CRACDL: variants seen among roughly 807,000 people sequenced by gnomAD.
CRACDL encodes CRACD like.
Under a neutral mutation model 70.6 loss-of-function variants are expected in CRACDL, and 26 were observed. That is an observed-to-expected ratio of 0.37 (90% CI 0.27 to 0.51). The LOEUF (loss-of-function observed/expected upper bound fraction) is 0.51, where lower values mean the gene tolerates loss of function less well. CRACDL is among the 20% of genes least tolerant of loss of function. The pLI, the probability that CRACDL is intolerant of heterozygous loss-of-function variation, is 0.94. For synonymous variants in CRACDL, 618 were observed against 615.2 expected (o/e 1.00, Z -0.07); for missense variants, 1,283 against 1,376.9 (o/e 0.93, Z 1.08).
At chr2:98,848,807 T>C (rs1470755417) in intron 1 of CRACDL, among the ~76,000 whole-genome samples, 1 of 152,200 alleles carries the variant, frequency 6.6e-6, no homozygotes. Flanking sequence ...AGGCTGGTCT[T>C]GAACTCTTGA....
chr2:98,847,608 T>C (rs1265551036), intron 1 of CRACDL, among the ~76,000 whole-genome samples: 1 of 152,178 alleles, frequency 6.6e-6, no homozygotes, highest in Non-Finnish European at 1.5e-5. Flanking sequence ...TCACTCTTCA[T>C]GGAAACCAAA....
At position 98,822,972 on chromosome 2, in the gene CRACDL, C is replaced by T; in HGVS notation, c.1301G>A (p.Ser434Asn). The T allele has an allele frequency of 6.7e-7, 1 of 1,483,824 alleles. No homozygotes were observed. Among genetic ancestry groups the T allele is most frequent in the Non-Finnish European group, 8.9e-7 (1 of 1,118,986 alleles). 91.9% of individuals were successfully genotyped at this position (1,483,824 alleles called of 1,614,324 possible). ...APSARDGPER[S>N]VPKEAEPTPP... ...CGTCGGCTCCGCTTCCTTCGGGACA[C>T]TGCGTTCTGGCCCGTCGCGAGCAGA... The change falls in exon 7 of 10, where the codon AGT (serine) becomes AAT (asparagine). Residue 434 changes from serine (S) to asparagine (N), a missense_variant. Coordinates refer to ENST00000397899, the MANE Select transcript of CRACDL (RefSeq NM_207362.3). This position sits in a 1 kb window ranked among gnomAD's most constrained non-coding sequence, Gnocchi z 4.9.
chr2:98,807,155 T>C (rs1704339942), intron 7 of CRACDL, among the ~76,000 whole-genome samples: 1 of 152,240 alleles, frequency 6.6e-6, no homozygotes, highest in African/African-American at 2.4e-5. Context: ...ACAAAGTGAC[T>C]TGTCCAGGGT....
intron 1 of CRACDL, among the ~76,000 whole-genome samples, chr2:98,869,616 G>GCTT (rs1470036709): frequency 6.6e-6 from 1 of 152,178 alleles, no homozygotes; most frequent in Non-Finnish European, 1.5e-5. Flanking sequence ...ATCGGAAACA[G>GCTT]CTTCTGAGCC....
chr2:98,857,115 A>C (rs771676980), intron 1 of CRACDL, among the ~76,000 whole-genome samples: 3 of 152,182 alleles, frequency 2.0e-5, no homozygotes, highest in African/African-American at 7.2e-5. Flanking sequence ...CTGTCTCTCC[A>C]GGTGCAATTT....
At chr2:98,844,603 C>T (rs534121975) in intron 2 of CRACDL, among the ~76,000 whole-genome samples, 64 of 152,266 alleles carry the variant, frequency 4.2e-4, no homozygotes, top group African/African-American at 1.4e-3. Flanking sequence ...TCTGCAATAA[C>T]CCAGTCTTCA....
At chr2:98,932,911 C>T (rs956040182) in intron 1 of CRACDL, among the ~76,000 whole-genome samples, 9 of 152,236 alleles carry the variant, frequency 5.9e-5, no homozygotes, top group Non-Finnish European at 8.8e-5. Flanking sequence ...GGGTCTGGGA[C>T]ATGAACCCAG....
In CRACDL at chr2:98,881,237, G is replaced by A. The variant is rs191953663; in HGVS notation, c.-10-34427C>T. On this transcript the variant is annotated intron_variant, in intron 1 of 9. Coordinates refer to ENST00000397899, the MANE Select transcript of CRACDL (RefSeq NM_207362.3). ...GGCATGTTCAGAAGCCTCACGGAGG[G>A]AACGCTGGTACCCCTGCCCCTCAAG... Among the ~76,000 whole-genome samples, 5 of 152,314 alleles carry A rather than the reference G, an allele frequency of 3.3e-5. No homozygotes were observed. In the East Asian group the frequency reaches 9.7e-4, roughly 29 times the overall value.
Position 98,797,366 on chromosome 2 carries a change from A to C in CRACDL, c.2588T>G (p.Val863Gly), listed in dbSNP as rs1208134618. Residue 863 changes from valine (V) to glycine (G), a missense_variant, in exon 8 of 10, where the codon GTG becomes GGG. By Grantham distance (109) the Val-to-Gly change is moderately radical. Around this residue, in one of 2 missense-constraint regions of CRACDL, gnomAD observed 921 missense variants for 881.9 expected, o/e 1.04. Coordinates refer to ENST00000397899, the MANE Select transcript of CRACDL (RefSeq NM_207362.3). ...LKSEPGKQAK[V>G]PERGQEPVKQ... ...TCTAAGCACCTGGCCTCTCTCGGGC[A>C]CCTTGGCTTGCTTTCCTGGTTCAGA... 6 of 1,614,122 alleles carry C rather than the reference A, an allele frequency of 3.7e-6. No homozygotes were observed. The highest frequency in any genetic ancestry group is 1.6e-4 in the Middle Eastern group (1 of 6,062).
In CRACDL at chr2:98,891,376, C is replaced by CAAAAAA. The variant is rs548988640; in HGVS notation, c.-11+44556_-11+44561dup. ...TGGGTGACAGAGGGAGACTCCGTCT[C>CAAAAAA]AAAAAAAAAAAAAAAAAAAAAAAAA... is the stretch of plus-strand genomic sequence containing the variant. On this transcript the variant is annotated intron_variant, in intron 1 of 9. Transcript: ENST00000397899. Among the ~76,000 whole-genome samples, 24 of 37,888 alleles carry CAAAAAA rather than the reference C, an allele frequency of 6.3e-4. 1 individual carries two copies. The highest frequency in any genetic ancestry group is 9.7e-4 in the African/African-American group (9 of 9,234). 24.9% of individuals were successfully genotyped at this position (37,888 alleles called of 152,430 possible). A position where few individuals can be genotyped will look rare whatever the true frequency, so the allele number is the denominator to read the frequency against.
chr2:98,863,486 A>G (rs186392219), intron 1 of CRACDL, among the ~76,000 whole-genome samples: 2 of 152,340 alleles, frequency 1.3e-5, no homozygotes, highest in Non-Finnish European at 2.9e-5. Context: ...AAGTAAATAC[A>G]CGGGAATTAT....
chr2:98,906,347 C>T (rs1004367115), intron 1 of CRACDL, among the ~76,000 whole-genome samples: 1 of 151,650 alleles, frequency 6.6e-6, no homozygotes, highest in Non-Finnish European at 1.5e-5. Flanking sequence ...CTGCAACCTC[C>T]ACCTCCCCGA....
intron 1 of CRACDL, among the ~76,000 whole-genome samples, chr2:98,885,439 G>A (rs530777940): frequency 1.2e-4 from 19 of 152,198 alleles, no homozygotes; most frequent in African/African-American, 4.6e-4. Flanking sequence ...CATTTTTAAA[G>A]TTTCTCAGCA....
intron 1 of CRACDL, among the ~76,000 whole-genome samples, chr2:98,931,478 G>A (rs917767927): frequency 1.8e-4 from 27 of 152,204 alleles, no homozygotes; most frequent in African/African-American, 5.5e-4. Context: ...TGCACACCCC[G>A]CAGCTAATGG....
chr2:98,833,677 C>G (rs1251175984), intron 3 of CRACDL, among the ~76,000 whole-genome samples: 1 of 152,252 alleles, frequency 6.6e-6, no homozygotes, highest in African/African-American at 2.4e-5. Context: ...ACTGAACCCC[C>G]AGGACATTCA....
intron 1 of CRACDL, among the ~76,000 whole-genome samples, chr2:98,851,818 G>A (rs1245903727): frequency 6.6e-6 from 1 of 152,212 alleles, no homozygotes; most frequent in African/African-American, 2.4e-5. Flanking sequence ...TTCCACTGAT[G>A]ATAAGTATAA....
chr2:98,842,807 C>T (rs1212902128), intron 2 of CRACDL, among the ~76,000 whole-genome samples: 2 of 151,810 alleles, frequency 1.3e-5, no homozygotes, highest in Admixed American at 6.6e-5. Context: ...ACCATTTCAA[C>T]CTGCTGAAAG....
chr2:98,835,482 G>A (rs979032339), intron 3 of CRACDL, among the ~76,000 whole-genome samples: 5 of 152,200 alleles, frequency 3.3e-5, no homozygotes, highest in African/African-American at 7.2e-5. Flanking sequence ...GTCAAAAGAC[G>A]GAGCGAATTT....
At chr2:98,821,204 AACAG>A (rs1171039356) in intron 7 of CRACDL, among the ~76,000 whole-genome samples, 1 of 152,102 alleles carries the variant, frequency 6.6e-6, no homozygotes, top group East Asian at 1.9e-4. Flanking sequence ...CTCTTTTTAA[AACAG>A]ACAGGGTCTC....
Sources: gnomAD v4.1 joint callset for allele counts (sites outside exome capture counted in the v4.1 genomes callset) on GRCh38, gnomAD v4.1.1 for gene constraint, gnomAD v4.1.1 regional missense constraint, Gnocchi (gnomAD v3.1) non-coding constraint, MANE v1.5 for transcripts, NCBI Gene and HGNC (gene_info 2026-07-23, HGNC 2026-07-21) for gene names.